Variants in SGCG observed in about 807,000 individuals in gnomAD.
SGCG encodes gamma-sarcoglycan.
SGCG carries 26 observed loss-of-function variants against 29.3 expected under a neutral mutation model. The ratio of observed to expected loss-of-function variants is 0.89; its 90% confidence interval spans 0.65 to 1.23. SGCG has a LOEUF of 1.23. Ranked by LOEUF, SGCG falls within the 50% of genes most tolerant of loss-of-function variation. The pLI, the probability that SGCG is intolerant of heterozygous loss-of-function variation, is 0.00. For synonymous variants in SGCG, 145 were observed against 129.7 expected, an observed-to-expected ratio of 1.12 and a Z score of -0.80; for missense variants, 353 against 356.0, an observed-to-expected ratio of 0.99 and a Z score of 0.07.
intron 2 of SGCG, among the ~76,000 whole-genome samples, chr13:23,225,677 T>C (rs1375765665): frequency 2.6e-5 from 4 of 152,032 alleles, no homozygotes; most frequent in Non-Finnish European, 5.9e-5. Context: ...ATTAGCTGTT[T>C]CTCCAAGGAG....
At chr13:23,321,007 A>G (rs571156945) in intron 7 of SGCG, among the ~76,000 whole-genome samples, 43 of 152,170 alleles carry the variant, frequency 2.8e-4, no homozygotes, top group African/African-American at 1.0e-3. Context: ...CTATCAAGTG[A>G]TTTAGTGACT....
chr13:23,322,236 A>G (rs977667890), intron 7 of SGCG, among the ~76,000 whole-genome samples: 4 of 152,160 alleles, frequency 2.6e-5, no homozygotes, highest in East Asian at 3.9e-4. Context: ...GTGGAATCCA[A>G]TAGGGATGGC....
rs200129747 is a variant in SGCG, at chr13:23,297,474, AG to A, written c.578+1988del. 8.9e-3 allele frequency among the ~76,000 whole-genome samples: 1,355 copies of A among 152,358 alleles called. 20 individuals carry two copies. The highest frequency in any genetic ancestry group is 0.031 in the African/African-American group (1,295 of 41,582). ...TTCTATAGATATTAGATTAACAAAA[AG>A]TATTCCTTACGGGAAACAAAGGGAT... On this transcript the variant is annotated intron_variant, in intron 6 of 7. Coordinates refer to ENST00000218867, the MANE Select transcript of SGCG (RefSeq NM_000231.3).
intron 1 of SGCG, among the ~76,000 whole-genome samples, chr13:23,182,529 G>A (rs1876782752): frequency 6.6e-6 from 1 of 151,232 alleles, no homozygotes; most frequent in Non-Finnish European, 1.5e-5. Context: ...CAGACCTACT[G>A]CAGGGCCAGA....
the SGCG span, among the ~76,000 whole-genome samples, chr13:23,161,838 T>C: frequency 6.6e-6 from 1 of 152,252 alleles, no homozygotes. Context: ...TTTTCATCTT[T>C]AATGTTTTTG....
intron 6 of SGCG, among the ~76,000 whole-genome samples, chr13:23,319,738 C>T (rs1882964194): frequency 6.6e-6 from 1 of 152,164 alleles, no homozygotes; most frequent in Non-Finnish European, 1.5e-5. Flanking sequence ...CTGCTTCCTA[C>T]TGCCCTTTAA....
Position 23,203,753 on chromosome 13 carries a change from A to G in SGCG, c.59A>G (p.Asn20Ser), listed in dbSNP as rs2137501307. The G allele has an allele frequency of 6.2e-7, 1 of 1,614,094 alleles. No individual in the cohort carries two copies. Among genetic ancestry groups the G allele is most frequent in the South Asian group, 1.1e-5 (1 of 91,078 alleles). Residue 20 changes from asparagine (N) to serine (S), a missense_variant, in exon 2 of 8, where the codon AAT (asparagine) becomes AGT (serine). By Grantham distance (46) the Asn-to-Ser change is conservative (BLOSUM62 1). Transcript: ENST00000218867. ...GGCATCTGCATAGAGAGGCCAGAGAATCAGTATGTCTACAAAATTGGCATT... is the reference window on the plus strand; with the variant it reads ...GGCATCTGCATAGAGAGGCCAGAGAGTCAGTATGTCTACAAAATTGGCATT... ...TEGICIERPE[N>S]QYVYKIGIYG...
At chr13:23,321,357 A>G (rs1397216523) in intron 7 of SGCG, among the ~76,000 whole-genome samples, 2 of 152,192 alleles carry the variant, frequency 1.3e-5, no homozygotes, top group Non-Finnish European at 2.9e-5. Context: ...CCCTGTATAC[A>G]CTATCTGTTT....
chr13:23,293,418 T>A (rs4397961), intron 5 of SGCG, among the ~76,000 whole-genome samples: 11,813 of 152,256 alleles, frequency 0.078, 597 homozygotes, highest in South Asian at 0.13. Context: ...AGGGCTTTTT[T>A]CCAGCGTGGG....
chr13:23,293,966 G>T (rs1566035033), intron 5 of SGCG, among the ~76,000 whole-genome samples: 2 of 152,124 alleles, frequency 1.3e-5, no homozygotes, highest in Non-Finnish European at 2.9e-5. Context: ...CTAGTACAAG[G>T]GTTGATTTAA....
At chr13:23,196,691 A>G (rs527963311) in intron 1 of SGCG, among the ~76,000 whole-genome samples, 9 of 152,164 alleles carry the variant, frequency 5.9e-5, no homozygotes, top group African/African-American at 2.2e-4. Context: ...TTTAAGGCAA[A>G]TACTTCTCCC....
chr13:23,271,435 C>G (rs1254926173), intron 4 of SGCG, among the ~76,000 whole-genome samples: 2 of 152,104 alleles, frequency 1.3e-5, no homozygotes, highest in African/African-American at 4.8e-5. Flanking sequence ...GCAAATTAAT[C>G]TCATAATGCT....
At position 23,320,536 on chromosome 13, in the gene SGCG, A is replaced by G. The variant is rs1346856116; in HGVS notation, c.579-101A>G. On this transcript the variant is annotated intron_variant, in intron 6 of 7. Transcript: ENST00000218867. Reference sequence around the variant, plus strand: ...TTGAGAATGACTTGAAGACTTACATATCTTACTAGTTATATTTCCCATGCT... The same window carrying G: ...TTGAGAATGACTTGAAGACTTACATGTCTTACTAGTTATATTTCCCATGCT... 5.1e-6 allele frequency: 5 copies of G among 973,222 alleles called. No individual in the cohort carries two copies. The African/African-American group carries it at 8.0e-5, about 16-fold the overall frequency. 60.3% of individuals were successfully genotyped at this position (973,222 alleles called of 1,614,324 possible).
intron 4 of SGCG, among the ~76,000 whole-genome samples, chr13:23,277,316 C>T (rs1232683700): frequency 6.6e-6 from 1 of 151,622 alleles, no homozygotes; most frequent in African/African-American, 2.4e-5. Flanking sequence ...ATAATAAATA[C>T]ATAGGCATAT....
At chr13:23,290,603 G>A (rs1881666647) in intron 5 of SGCG, among the ~76,000 whole-genome samples, 1 of 152,144 alleles carries the variant, frequency 6.6e-6, no homozygotes, top group South Asian at 2.1e-4. Context: ...AAGTGAATAG[G>A]ACGGGAGGCA....
chr13:23,268,244 T>A (rs1327162523), intron 4 of SGCG: 1 of 152,180 alleles, frequency 6.6e-6, no homozygotes, highest in East Asian at 1.9e-4. Context: ...GGCCAACAAT[T>A]CTGTAAGGGA....
intron 4 of SGCG, among the ~76,000 whole-genome samples, chr13:23,277,887 A>G (rs140914569): frequency 0.059 from 9,020 of 151,830 alleles, 372 homozygotes; most frequent in Middle Eastern, 0.088. Flanking sequence ...TTTAGTAGAG[A>G]CTGGGTTTCA....
chr13:23,320,745 T>C lies in SGCG; in HGVS notation c.687T>C (p.His229=). ...EALSQMDILF[H]SSDGMLVLDA... is the part of the protein sequence containing the mutation. ...TTTCTCAAATGGATATTCTTTTTCA[T>C]AGTAGTGATGGAATGGTGAGTTCAT... Residue 229 remains histidine (H), a synonymous_variant, in exon 7 of 8, where the codon CAT becomes CAC. Coordinates refer to ENST00000218867, the MANE Select transcript of SGCG (RefSeq NM_000231.3). 1.2e-6 allele frequency: 2 copies of C among 1,613,724 alleles called. No homozygotes were observed. Among genetic ancestry groups the C allele is most frequent in the African/African-American group, 1.3e-5 (1 of 75,018 alleles).
intron 5 of SGCG, among the ~76,000 whole-genome samples, chr13:23,281,477 A>G (rs1881304736): frequency 6.6e-6 from 1 of 152,148 alleles, no homozygotes; most frequent in Non-Finnish European, 1.5e-5. Context: ...GTTGCTGCTG[A>G]TGCCACAGCT....
Sources: gnomAD v4.1 joint callset for allele counts (sites outside exome capture counted in the v4.1 genomes callset) on GRCh38, gnomAD v4.1.1 for gene constraint, MANE v1.5 for transcripts, NCBI Gene and HGNC (gene_info 2026-07-23, HGNC 2026-07-21) for gene names.